PDE3B: variants seen among roughly 807,000 people sequenced by gnomAD.
PDE3B encodes phosphodiesterase 3B.
PDE3B carries 66 observed loss-of-function variants against 116.8 expected under a neutral mutation model. The ratio of observed to expected loss-of-function variants is 0.56; its 90% confidence interval spans 0.46 to 0.69. The LOEUF (loss-of-function observed/expected upper bound fraction) is 0.69, where lower values mean the gene tolerates loss of function less well. Among genes scored for constraint, PDE3B ranks in the 30% least tolerant of loss-of-function variants. The pLI is 0.00. For missense variants in PDE3B, 1,384 were observed against 1,368.1 expected (o/e 1.01, Z -0.18); for synonymous variants, 595 against 533.6 (o/e 1.12, Z -1.59).
At chr11:14,672,410 A>C (rs1286756877) in intron 1 of PDE3B, among the ~76,000 whole-genome samples, 1 of 152,178 alleles carries the variant, frequency 6.6e-6, no homozygotes, top group Non-Finnish European at 1.5e-5. Flanking sequence ...GTTTGTATAC[A>C]GTTTAGGAAA....
At chr11:14,880,003 A>T in the PDE3B span, 1 of 879,340 alleles carries the variant, frequency 1.1e-6, no homozygotes, top group African/African-American at 1.7e-5. Flanking sequence ...TTTTGTAACT[A>T]TTAAATATTT....
At chr11:14,705,523 T>C (rs1855504908) in intron 1 of PDE3B, among the ~76,000 whole-genome samples, 2 of 151,792 alleles carry the variant, frequency 1.3e-5, no homozygotes. Flanking sequence ...GAGGTATCTT[T>C]TGTTGGTGAT....
chr11:14,855,928 CAGA>C (rs1380636989), intron 12 of PDE3B, among the ~76,000 whole-genome samples: 2 of 152,144 alleles, frequency 1.3e-5, no homozygotes, highest in Non-Finnish European at 2.9e-5. Flanking sequence ...TGTATTTCAG[CAGA>C]AGAAGGGTGG....
At chr11:14,679,107 C>T (rs1215625010) in intron 1 of PDE3B, among the ~76,000 whole-genome samples, 1 of 151,986 alleles carries the variant, frequency 6.6e-6, no homozygotes, top group African/African-American at 2.4e-5. Flanking sequence ...TCACATTGAT[C>T]AATGTGTCAT....
At chr11:14,891,991 A>C in the PDE3B span, 1 of 1,613,254 alleles carries the variant, frequency 6.2e-7, no homozygotes, top group Non-Finnish European at 8.5e-7. Context: ...CTCTCCGTAC[A>C]CCTGGCTCTG....
intron 1 of PDE3B, among the ~76,000 whole-genome samples, chr11:14,646,848 C>T (rs1411645038): frequency 4.6e-5 from 7 of 151,960 alleles, no homozygotes; most frequent in African/African-American, 1.7e-4. Context: ...ACAATTTGTG[C>T]TTCTAAAGAG....
At chr11:14,835,830 A>G (rs1860035236) in intron 11 of PDE3B, among the ~76,000 whole-genome samples, 1 of 152,124 alleles carries the variant, frequency 6.6e-6, no homozygotes. Context: ...GGATGTGGTG[A>G]CACACACCTG....
chr11:14,715,764 G>A (rs545557068), intron 1 of PDE3B, among the ~76,000 whole-genome samples: 2 of 152,304 alleles, frequency 1.3e-5, no homozygotes, highest in South Asian at 4.1e-4. Flanking sequence ...TCTCCTGCCT[G>A]ATTGCCCTGG....
intron 1 of PDE3B, among the ~76,000 whole-genome samples, chr11:14,664,098 C>G (rs1406882092): frequency 1.3e-5 from 2 of 152,134 alleles, no homozygotes; most frequent in Admixed American, 1.3e-4. Flanking sequence ...AACTAGAGCT[C>G]AGGATTAAGA....
At position 14,842,769 on chromosome 11, in the gene PDE3B, T is replaced by A. The variant is rs537040945; in HGVS notation, c.2321-1058T>A. Among the ~76,000 whole-genome samples the A allele has an allele frequency of 4.6e-5, 7 of 152,170 alleles. No individual in the cohort carries two copies. The East Asian group carries it at 9.6e-4, about 21-fold the overall frequency. ...ACCCCATCTCTAAAAACATAAATTTTAAAAAAATGCTCTAGTGTGGGCTAT... is the reference window on the plus strand; with the variant it reads ...ACCCCATCTCTAAAAACATAAATTTAAAAAAAATGCTCTAGTGTGGGCTAT... On this transcript the variant is annotated intron_variant, in intron 11 of 15. Coordinates refer to ENST00000282096, the MANE Select transcript of PDE3B (RefSeq NM_000922.4).
chr11:14,745,273 G>C (rs573653326), intron 1 of PDE3B, among the ~76,000 whole-genome samples: 4 of 152,232 alleles, frequency 2.6e-5, no homozygotes, highest in Admixed American at 2.6e-4. Context: ...AAATTTTAGT[G>C]GTTCTTTAAA....
intron 3 of PDE3B, among the ~76,000 whole-genome samples, chr11:14,788,074 G>A (rs2133917808): frequency 6.6e-6 from 1 of 151,856 alleles, no homozygotes; most frequent in Admixed American, 6.6e-5. Flanking sequence ...TTTGGGTTCT[G>A]GAATCTACTG....
chr11:14,785,548 T>TACA (rs1253012386), intron 2 of PDE3B, among the ~76,000 whole-genome samples: 2 of 152,042 alleles, frequency 1.3e-5, no homozygotes, highest in South Asian at 2.1e-4. Flanking sequence ...AAGTTCAAGG[T>TACA]ACAACAACAA....
At chr11:14,873,661 A>G (rs1034888827), downstream of PDE3B, among the ~76,000 whole-genome samples, 6 of 152,174 alleles carry the variant, frequency 3.9e-5, no homozygotes, top group African/African-American at 9.6e-5. Context: ...ATGTATTTCA[A>G]TGTAGGTATG....
At chr11:14,809,852 C>T (rs993436830) in intron 5 of PDE3B, among the ~76,000 whole-genome samples, 1 of 151,864 alleles carries the variant, frequency 6.6e-6, no homozygotes, top group African/African-American at 2.4e-5. Flanking sequence ...AAACTGTGAG[C>T]AGCCAAGTTC....
At chr11:14,880,530 A>T in the PDE3B span, 1 of 1,613,542 alleles carries the variant, frequency 6.2e-7, no homozygotes, top group South Asian at 1.1e-5. Flanking sequence ...CGGTGTCTTC[A>T]TAAGTGAATC....
intron 4 of PDE3B, among the ~76,000 whole-genome samples, chr11:14,803,561 T>A (rs1269587318): frequency 6.6e-6 from 1 of 152,214 alleles, no homozygotes; most frequent in Non-Finnish European, 1.5e-5. Context: ...TAAGAAACCT[T>A]CAAAGTAATT....
At chr11:14,710,401 C>T (rs73412643) in intron 1 of PDE3B, among the ~76,000 whole-genome samples, 17,422 of 152,130 alleles carry the variant, frequency 0.11, 1,312 homozygotes, top group African/African-American at 0.22. Context: ...CATCCCCTCC[C>T]ACCAACCACG....
chr11:14,842,087 A>G (rs572572631), intron 11 of PDE3B, among the ~76,000 whole-genome samples: 338 of 152,094 alleles, frequency 2.2e-3, no homozygotes, highest in Non-Finnish European at 4.0e-3. Context: ...ATAGTTTTTC[A>G]GTAGATTTCT....
Sources: gnomAD v4.1 joint callset for allele counts (sites outside exome capture counted in the v4.1 genomes callset) on GRCh38, gnomAD v4.1.1 for gene constraint, MANE v1.5 for transcripts, NCBI Gene and HGNC (gene_info 2026-07-23, HGNC 2026-07-21) for gene names.